Variants in CBLN2 observed in about 807,000 individuals in gnomAD.
The protein encoded by CBLN2 is cerebellin 2 precursor.
In CBLN2, 7 loss-of-function variants were observed where a neutral mutation model predicts 15.0. The ratio of observed to expected loss-of-function variants is 0.47; its 90% CI spans 0.27 to 0.88. The LOEUF is 0.88. Among genes scored for constraint, CBLN2 ranks in the 40% least tolerant of loss-of-function variants. The probability of loss-of-function intolerance (pLI) is 0.14; values close to 1 mark genes in which losing one functional copy is unlikely to be tolerated. For missense variants in CBLN2, 242 were observed against 304.5 expected, an observed-to-expected ratio of 0.79 and a Z score of 1.53; for synonymous variants, 149 against 135.2, an observed-to-expected ratio of 1.10 and a Z score of -0.71.
At chr18:72,621,841 G>A (rs1192277919) in intron 1 of CBLN2, among the ~76,000 whole-genome samples, 5 of 152,122 alleles carry the variant, frequency 3.3e-5, no homozygotes, top group African/African-American at 4.8e-5. Flanking sequence ...ACCTACCAGT[G>A]GAGTGAGCCA....
chr18:72,548,299 G>A (rs1263159071), upstream of CBLN2, among the ~76,000 whole-genome samples: 1 of 152,156 alleles, frequency 6.6e-6, no homozygotes, highest in Admixed American at 6.5e-5. Flanking sequence ...CTCAAATATT[G>A]CCTAGATCTA....
chr18:72,577,192 T>C (rs2144913743), intron 1 of CBLN2, among the ~76,000 whole-genome samples: 1 of 150,996 alleles, frequency 6.6e-6, no homozygotes, highest in African/African-American at 2.4e-5. Flanking sequence ...TATATATGAA[T>C]ATGAAAGAAA....
chr18:72,545,263 T>G (rs2069150446), upstream of CBLN2, among the ~76,000 whole-genome samples: 1 of 152,244 alleles, frequency 6.6e-6, no homozygotes, highest in South Asian at 2.1e-4. Context: ...GGAATGGATA[T>G]GCAGAAAGTC....
intron 1 of CBLN2, among the ~76,000 whole-genome samples, chr18:72,573,415 T>C (rs946001393): frequency 2.6e-5 from 4 of 152,210 alleles, no homozygotes; most frequent in African/African-American, 9.6e-5. Flanking sequence ...AAACCTTCCG[T>C]GCTCTGCTTA....
At chr18:72,614,256 A>C (rs182156205) in intron 1 of CBLN2, among the ~76,000 whole-genome samples, 224 of 152,358 alleles carry the variant, frequency 1.5e-3, no homozygotes, top group African/African-American at 5.1e-3. Context: ...CAACATGAAA[A>C]CACATTGATT....
At position 72,544,185 on chromosome 18, in the gene CBLN2, A is replaced by C. The variant is rs1746643947; in HGVS notation, c.-420T>G. The C allele has an allele frequency of 6.6e-6, 1 of 150,432 alleles. No homozygotes were observed. The highest frequency in any genetic ancestry group is 2.4e-5 in the African/African-American group (1 of 41,010). The allele number at this position is 150,432 out of a possible 1,614,324, so 9.3% of individuals were successfully genotyped here. A position where few individuals can be genotyped will look rare whatever the true frequency, so the allele number is the denominator to read the frequency against. The stretch of plus-strand genomic sequence containing the variant: ...AAAAAAAAAGAAGAAGAAGACTGGG[A>C]TGGCTGGGACGAAGAGAGGGAAAAA... On this transcript the variant is annotated 5_prime_UTR_variant, in exon 1 of 5. Coordinates refer to ENST00000269503, the MANE Select transcript of CBLN2 (RefSeq NM_182511.4).
Position 72,608,403 on chromosome 18 carries a change from G to A in CBLN2, c.15+29922C>T, listed in dbSNP as rs1208526449. 2.0e-5 allele frequency among the ~76,000 whole-genome samples: 3 copies of A among 152,142 alleles called. No homozygotes were observed. The East Asian group carries it at 5.8e-4, about 29-fold the overall frequency. ...TGTCTCACATCGTTGGCTTCTTTCT[G>A]AAGCCCTTGCCTGCCAGCTGCCTTC... On this transcript the variant is annotated intron_variant, in intron 1 of 2. Coordinates refer to the CBLN2 transcript ENST00000581073.
chr18:72,628,386 T>C (rs1309626606), intron 1 of CBLN2, among the ~76,000 whole-genome samples: 1 of 152,096 alleles, frequency 6.6e-6, no homozygotes. Flanking sequence ...GTGGGAAGGA[T>C]GGGAAGGACA....
intron 1 of CBLN2, among the ~76,000 whole-genome samples, chr18:72,592,053 C>G (rs957780137): frequency 1.4e-4 from 21 of 152,034 alleles, no homozygotes; most frequent in African/African-American, 4.8e-4. Context: ...TTTGAAGAGG[C>G]TCTTTACTGT....
At chr18:72,585,861 G>T (rs185955403) in intron 1 of CBLN2, among the ~76,000 whole-genome samples, 97 of 152,346 alleles carry the variant, frequency 6.4e-4, no homozygotes, top group African/African-American at 2.3e-3. Flanking sequence ...TCAGGGAGCT[G>T]GCATGTCAGC....
intron 1 of CBLN2, among the ~76,000 whole-genome samples, chr18:72,605,769 A>G (rs533419962): frequency 2.6e-5 from 4 of 152,362 alleles, no homozygotes; most frequent in Admixed American, 2.6e-4. Flanking sequence ...CTACTAAGAA[A>G]ATAAAAAAAC....
chr18:72,553,147 G>A (rs1416738605), intron 1 of CBLN2, among the ~76,000 whole-genome samples: 3 of 152,164 alleles, frequency 2.0e-5, no homozygotes, highest in Admixed American at 6.5e-5. Context: ...ACTCACAACA[G>A]GAGACCAGAG....
chr18:72,538,750 T>C lies in CBLN2; in HGVS notation c.380A>G (p.His127Arg). 6 of 1,613,842 alleles carry C rather than the reference T, an allele frequency of 3.7e-6. No homozygotes were observed. Among genetic ancestry groups the C allele is most frequent in the Non-Finnish European group, 5.1e-6 (6 of 1,180,002 alleles). ...AAATATACTGGAAGCAAGATCAAAG[T>C]GGTTGCCAATATTTACTAATACCTG... The part of the protein sequence containing the change: ...FDQVLVNIGN[H>R]FDLASSIFVA... Residue 127 changes from histidine (H) to arginine (R), a missense_variant, in exon 4 of 5, where the codon CAC becomes CGC. Around this residue, in one of 4 missense-constraint regions of CBLN2, gnomAD observed 89 missense variants for 114.2 expected, o/e 0.78. Coordinates refer to ENST00000269503, the MANE Select transcript of CBLN2 (RefSeq NM_182511.4).
chr18:72,568,710 G>A (rs996296891), intron 1 of CBLN2, among the ~76,000 whole-genome samples: 18 of 152,170 alleles, frequency 1.2e-4, no homozygotes, highest in Non-Finnish European at 2.1e-4. Context: ...TTAATGTTGT[G>A]TTATTGTGCA....
At chr18:72,579,747 C>A (rs1408023883) in intron 1 of CBLN2, among the ~76,000 whole-genome samples, 4 of 151,544 alleles carry the variant, frequency 2.6e-5, no homozygotes, top group Non-Finnish European at 5.9e-5. Context: ...AAACAAAAAA[C>A]AAAAAACAAA....
intron 1 of CBLN2, chr18:72,619,187 T>C: frequency 1.5e-5 from 12 of 819,600 alleles, no homozygotes; most frequent in South Asian, 1.3e-4. Flanking sequence ...GTGGTTCCAG[T>C]AGCAGCAGTA....
rs1471871191 is a variant in CBLN2 at position 72,542,270 on chromosome 18, T to TC, written c.-111dup. 1.6e-6 allele frequency: 1 copy of TC among 625,924 alleles called. No homozygotes were observed. The highest frequency in any genetic ancestry group is 2.0e-5 in the African/African-American group (1 of 50,734). 38.8% of individuals were successfully genotyped at this position (625,924 alleles called of 1,614,324 possible). A position where few individuals can be genotyped will look rare whatever the true frequency, so the allele number is the denominator to read the frequency against. On this transcript the variant is annotated 5_prime_UTR_variant, in exon 3 of 5. Transcript: ENST00000269503. ...TCGCAGCAGCCTCCGGGGGCCTTCG[T>TC]CCCCGGCTCTGACGTTCAAGGCCAG...
At position 72,618,413 on chromosome 18, in the gene CBLN2, A is replaced by G. The variant is rs977368622; in HGVS notation, c.15+19912T>C. On this transcript the variant is annotated intron_variant, in intron 1 of 2. Coordinates refer to the CBLN2 transcript ENST00000581073. ...CAGACTAGGCGGTCTTGAGAGATCC[A>G]AACACCAAGAGCTCCAGGAGCTTTG... 5.0e-6 allele frequency: 3 copies of G among 601,128 alleles called. No homozygotes were observed. In the African/African-American group the frequency reaches 5.4e-5, roughly 11 times the overall value. The allele number at this position is 601,128 out of a possible 1,614,324, so 37.2% of individuals were successfully genotyped here.
At chr18:72,583,733 T>TA (rs1196942827) in intron 1 of CBLN2, among the ~76,000 whole-genome samples, 35 of 152,308 alleles carry the variant, frequency 2.3e-4, no homozygotes, top group African/African-American at 6.7e-4. Context: ...CTTATAGTAA[T>TA]AATGAAATGT....
Sources: gnomAD v4.1 joint callset for allele counts (sites outside exome capture counted in the v4.1 genomes callset) on GRCh38, gnomAD v4.1.1 for gene constraint, gnomAD v4.1.1 regional missense constraint, MANE v1.5 for transcripts, NCBI Gene and HGNC (gene_info 2026-07-23, HGNC 2026-07-21) for gene names.